The following SPDYA variants were observed in gnomAD, a reference collection of about 807,000 sequenced individuals.
SPDYA encodes speedy protein A.
SPDYA carries 11 observed loss-of-function variants against 36.7 expected under a neutral mutation model. The observed-to-expected ratio is 0.30, with a 90% CI of 0.19 to 0.50. The LOEUF (loss-of-function observed/expected upper bound fraction) is 0.50, where lower values mean the gene tolerates loss of function less well. SPDYA is among the 20% of genes least tolerant of loss of function. The probability of loss-of-function intolerance (pLI) is 0.98; values close to 1 mark genes in which losing one functional copy is unlikely to be tolerated. For synonymous variants in SPDYA, 115 were observed against 118.7 expected (o/e 0.97, Z 0.20); for missense variants, 287 against 370.9 (o/e 0.77, Z 1.86).
At chr2:28,828,138 C>T (rs1668378624) in intron 5 of SPDYA, among the ~76,000 whole-genome samples, 1 of 151,888 alleles carries the variant, frequency 6.6e-6, no homozygotes, top group East Asian at 1.9e-4. Context: ...AGGCGCAGGC[C>T]ACCACGCCCA....
intron 7 of SPDYA, among the ~76,000 whole-genome samples, chr2:28,846,611 A>G (rs1316166134): frequency 6.6e-6 from 1 of 152,148 alleles, no homozygotes; most frequent in Non-Finnish European, 1.5e-5. Context: ...CATAAACCAG[A>G]CTGTAAACAT....
chr2:28,835,744 G>C (rs1424108452), intron 6 of SPDYA, among the ~76,000 whole-genome samples: 1 of 152,198 alleles, frequency 6.6e-6, no homozygotes, highest in Non-Finnish European at 1.5e-5. Flanking sequence ...TAGAGAAGCT[G>C]TTTTTTGGCT....
Position 28,811,932 on chromosome 2 carries a change from G to C in SPDYA, c.-93+985G>C, listed in dbSNP as rs1458045269. 6.6e-6 allele frequency among the ~76,000 whole-genome samples: 1 copy of C among 152,164 alleles called. No homozygotes were observed. Among genetic ancestry groups the C allele is most frequent in the African/African-American group, 2.4e-5 (1 of 41,430 alleles). On this transcript the variant is annotated intron_variant, in intron 1 of 7. Transcript: ENST00000334056. This position sits in a 1 kb window ranked among gnomAD's most constrained non-coding sequence, Gnocchi z 4.2. Reference sequence around the variant, plus strand: ...GATCGCCTTATAGCTGGGGTTAGCTGGTTTTGTTTTCTTGGCAAGGTGACG... The same window carrying C: ...GATCGCCTTATAGCTGGGGTTAGCTCGTTTTGTTTTCTTGGCAAGGTGACG...
Position 28,822,373 on chromosome 2 carries a change from A to G in SPDYA, c.343A>G (p.Ile115Val), listed in dbSNP as rs781105030. The G allele has an allele frequency of 5.1e-6, 8 of 1,572,352 alleles. No homozygotes were observed. Among genetic ancestry groups the G allele is most frequent in the East Asian group, 2.3e-5 (1 of 43,942 alleles). The change falls in exon 5 of 8, where the codon ATA (isoleucine) becomes GTA (valine). Residue 115 changes from isoleucine to valine, a missense_variant. By Grantham distance (29) the Ile-to-Val change is conservative (BLOSUM62 3). Coordinates refer to ENST00000334056, the MANE Select transcript of SPDYA (RefSeq NM_182756.4). ...FVYFKRAKFT[I>V]SEHTRINFFI... ...TTATTTCAAGAGGGCTAAATTTACT[A>G]TAAGTGAGCATACCAGGATAAATTT...
At chr2:28,821,189 TTC>T (rs1491441884) in intron 4 of SPDYA, among the ~76,000 whole-genome samples, 10 of 143,838 alleles carry the variant, frequency 7.0e-5, no homozygotes, top group South Asian at 4.4e-4. Context: ...TTTTTTTTTT[TTC>T]TTTTTCTTTT....
At chr2:28,827,700 T>G (rs1323535660) in intron 5 of SPDYA, among the ~76,000 whole-genome samples, 1 of 152,184 alleles carries the variant, frequency 6.6e-6, no homozygotes, top group Non-Finnish European at 1.5e-5. Flanking sequence ...TTGAGCAATT[T>G]GATTGTGGTG....
In SPDYA at chr2:28,825,319, C is replaced by T. The variant is rs990753288; in HGVS notation, c.380+2909C>T. On this transcript the variant is annotated intron_variant, in intron 5 of 7. Transcript: ENST00000334056. Reference sequence around the variant, plus strand: ...CTTACTAGATGCCTGAAATTGAATTCGTTTAACTTGTTTTATAAAGTTATT... The same window carrying T: ...CTTACTAGATGCCTGAAATTGAATTTGTTTAACTTGTTTTATAAAGTTATT... 8.6e-5 allele frequency among the ~76,000 whole-genome samples: 13 copies of T among 151,714 alleles called. No individual in the cohort carries two copies. In the East Asian group the frequency reaches 9.6e-4, roughly 11 times the overall value.
At chr2:28,828,519 C>T (rs1396423437) in intron 5 of SPDYA, among the ~76,000 whole-genome samples, 1 of 152,082 alleles carries the variant, frequency 6.6e-6, no homozygotes, top group African/African-American at 2.4e-5. Context: ...TTCCAGTGTC[C>T]TTATCTTTTA....
At position 28,823,265 on chromosome 2, in the gene SPDYA, T is replaced by C. The variant is rs555688527; in HGVS notation, c.380+855T>C. On this transcript the variant is annotated intron_variant, in intron 5 of 7. Coordinates refer to ENST00000334056, the MANE Select transcript of SPDYA (RefSeq NM_182756.4). ...TCCACTGACTTTAGTTTATATTCAT[T>C]GTGATCTGTGAAATGGTTTTCCAAT... Among the ~76,000 whole-genome samples the C allele has an allele frequency of 5.9e-5, 9 of 152,294 alleles. No homozygotes were observed. The South Asian group carries it at 1.9e-3, about 32-fold the overall frequency.
chr2:28,814,196 T>C (rs932847196), intron 1 of SPDYA, among the ~76,000 whole-genome samples: 2 of 152,224 alleles, frequency 1.3e-5, no homozygotes, highest in African/African-American at 4.8e-5. Flanking sequence ...ACTGAATAAT[T>C]TAATTTTTAC....
chr2:28,822,028 C>T (rs1668182450), intron 4 of SPDYA, among the ~76,000 whole-genome samples: 2 of 152,098 alleles, frequency 1.3e-5, no homozygotes, highest in Non-Finnish European at 2.9e-5. Context: ...ATTTCAGTTT[C>T]TGTATAGGTT....
chr2:28,820,457 G>A (rs1206869341), intron 4 of SPDYA, among the ~76,000 whole-genome samples: 1 of 151,798 alleles, frequency 6.6e-6, no homozygotes, highest in South Asian at 2.1e-4. Flanking sequence ...GTGGTGGTGC[G>A]CACCCATAGT....
At chr2:28,845,120 C>T (rs1668838163) in intron 7 of SPDYA, among the ~76,000 whole-genome samples, 1 of 151,984 alleles carries the variant, frequency 6.6e-6, no homozygotes, top group Non-Finnish European at 1.5e-5. Flanking sequence ...GGATCTTGCT[C>T]TGTCACCTGG....
At chr2:28,815,613 A>G (rs1248406341) in intron 2 of SPDYA, among the ~76,000 whole-genome samples, 2 of 152,156 alleles carry the variant, frequency 1.3e-5, no homozygotes, top group African/African-American at 4.8e-5. Flanking sequence ...TATAACAACA[A>G]TATAATAAAA....
intron 7 of SPDYA, 72 bp downstream of exon 7, chr2:28,840,541 C>T (rs549505165): frequency 4.7e-5 from 72 of 1,531,152 alleles, no homozygotes; most frequent in Admixed American, 1.3e-4. Context: ...TCCTTTCTGG[C>T]GGGGATACAT....
intron 7 of SPDYA, among the ~76,000 whole-genome samples, chr2:28,845,768 C>A (rs1668856567): frequency 6.6e-6 from 1 of 152,094 alleles, no homozygotes; most frequent in African/African-American, 2.4e-5. Context: ...TGGTCTCGAA[C>A]TCCTGACCTC....
At chr2:28,848,325 T>A (rs1003730240) in intron 7 of SPDYA, among the ~76,000 whole-genome samples, 1 of 152,206 alleles carries the variant, frequency 6.6e-6, no homozygotes, top group Non-Finnish European at 1.5e-5. Context: ...ACCAATTCCT[T>A]CACGGGCATA....
In SPDYA at chr2:28,841,545, TTTCTAA is replaced by T. The variant is rs1211575977; in HGVS notation, c.850+1082_850+1087del. 7.2e-5 allele frequency among the ~76,000 whole-genome samples: 11 copies of T among 152,304 alleles called. No homozygotes were observed. In the East Asian group the frequency reaches 1.5e-3, roughly 21 times the overall value. On this transcript the variant is annotated intron_variant, in intron 7 of 7. Transcript: ENST00000334056. Reference sequence around the variant, plus strand: ...AGGGTGGACAGATTTTTCATGGTCCTTTCTAATTCTATCATGAGAAATTAACACACC... The same window carrying T: ...AGGGTGGACAGATTTTTCATGGTCCTTTCTATCATGAGAAATTAACACACC...
At chr2:28,813,296 A>G (rs531176835) in intron 1 of SPDYA, among the ~76,000 whole-genome samples, 46 of 152,192 alleles carry the variant, frequency 3.0e-4, no homozygotes, top group Non-Finnish European at 3.5e-4. Context: ...TTTTTGATTG[A>G]TAGAAAATTT....
Sources: allele counts gnomAD v4.1 joint callset (sites outside exome capture counted in the v4.1 genomes callset), GRCh38; gene constraint gnomAD v4.1.1; non-coding constraint Gnocchi (gnomAD v3.1); transcripts MANE v1.5; gene names NCBI Gene and HGNC (gene_info 2026-07-23, HGNC 2026-07-21).